Variants in MYLK observed in about 807,000 individuals in gnomAD.
MYLK encodes myosin light chain kinase, smooth muscle.
MYLK carries 106 observed loss-of-function variants against 203.4 expected under a neutral mutation model. The ratio of observed to expected loss-of-function variants is 0.52; its 90% CI spans 0.45 to 0.61. The LOEUF is 0.61. Ranked by LOEUF, MYLK falls within the 20% of genes least tolerant of loss-of-function variation. The pLI is 0.00. For missense variants in MYLK, 2,072 were observed against 2,442.3 expected (o/e 0.85, Z 3.20); for synonymous variants, 867 against 959.5 (o/e 0.90, Z 1.78).
At chr3:123,840,967 A>G (rs967327748) in intron 2 of MYLK, among the ~76,000 whole-genome samples, 8 of 152,154 alleles carry the variant, frequency 5.3e-5, no homozygotes, top group African/African-American at 1.7e-4. Context: ...GACAGGTCTC[A>G]GGTAATGTTA....
chr3:123,628,190 C>T (rs1576356521), intron 30 of MYLK, among the ~76,000 whole-genome samples: 1 of 152,262 alleles, frequency 6.6e-6, no homozygotes, highest in South Asian at 2.1e-4. Context: ...AGAATGTGGC[C>T]TCTGGGGGAG....
At chr3:123,701,137 C>T in intron 17 of MYLK, 132 bp from the exon 18 acceptor site, 3 of 1,277,926 alleles carry the variant, frequency 2.3e-6, no homozygotes, top group Non-Finnish European at 3.3e-6. Context: ...GGAGGCCGGC[C>T]AGGCTGTGTT....
intron 20 of MYLK, among the ~76,000 whole-genome samples, chr3:123,670,034 C>CAAAAAAAAAAAAAAAAAA (rs57445681): frequency 2.7e-5 from 1 of 37,064 alleles, no homozygotes; most frequent in Non-Finnish European, 6.1e-5. Context: ...GACTCCATCT[C>CAAAAAAAAAAAAAAAAAA]AAAAAAAAAA....
chr3:123,737,226 A>G, intron 8 of MYLK, 152 bp downstream of exon 8: 1 of 861,536 alleles, frequency 1.2e-6, no homozygotes, highest in Non-Finnish European at 1.8e-6. Context: ...CTGAAGAGAA[A>G]AAAAAAAAAA....
intron 3 of MYLK, among the ~76,000 whole-genome samples, chr3:123,802,379 T>C (rs1238642779): frequency 6.6e-6 from 1 of 152,200 alleles, no homozygotes; most frequent in Non-Finnish European, 1.5e-5. Context: ...TCCCTCCCCA[T>C]GGCTTCCTGG....
chr3:123,860,366 C>T (rs1350745800), intron 2 of MYLK, among the ~76,000 whole-genome samples: 2 of 152,190 alleles, frequency 1.3e-5, no homozygotes, highest in African/African-American at 4.8e-5. Context: ...TTGATCAGGG[C>T]ACTGCTGTGT....
At chr3:123,667,969 TTGGATGGATGAA>T (rs2059795345) in intron 20 of MYLK, among the ~76,000 whole-genome samples, 1 of 152,170 alleles carries the variant, frequency 6.6e-6, no homozygotes, top group African/African-American at 2.4e-5. Flanking sequence ...TTAAAGTTTG[TTGGATGGATGAA>T]TGGATGAATG....
intron 32 of MYLK, among the ~76,000 whole-genome samples, chr3:123,619,680 G>A (rs1003160522): frequency 6.6e-6 from 1 of 152,172 alleles, no homozygotes; most frequent in Non-Finnish European, 1.5e-5. Context: ...TAGTCTCCAG[G>A]AGGAGACCTG....
chr3:123,670,566 G>A (rs2059882600), intron 20 of MYLK, among the ~76,000 whole-genome samples: 1 of 152,016 alleles, frequency 6.6e-6, no homozygotes, highest in Non-Finnish European at 1.5e-5. Context: ...ACTAACCTGG[G>A]CAACACGGCA....
At position 123,734,219 on chromosome 3, in the gene MYLK, T is replaced by C. The variant is rs2108794032; in HGVS notation, c.777A>G (p.Ser259=). 1 of 1,378,626 alleles carries C rather than the reference T, an allele frequency of 7.3e-7. No homozygotes were observed. 85.4% of individuals were successfully genotyped at this position (1,378,626 alleles called of 1,614,324 possible). ...SIQGLDSANR[S]FVRETKATNS... ...TGGTGGCTTTTGTTTCTCTCACAAA[T>C]GACCTGTGTGGTGGTGAGGGTGGGG... is the stretch of plus-strand genomic sequence containing the variant. Residue 259 remains serine, a synonymous_variant, in exon 10 of 34, where the codon TCA becomes TCG. Transcript: ENST00000360304.
At chr3:123,782,641 A>G (rs1430466764) in intron 4 of MYLK, among the ~76,000 whole-genome samples, 1 of 152,128 alleles carries the variant, frequency 6.6e-6, no homozygotes, top group Non-Finnish European at 1.5e-5. Flanking sequence ...AGTTAAGAGG[A>G]AGAAAACCCC....
rs141241528 is a variant in MYLK at position 123,712,389 on chromosome 3, C to T, written c.1805-2496G>A. Among the ~76,000 whole-genome samples the T allele has an allele frequency of 3.5e-4, 54 of 152,314 alleles. 1 individual carries two copies. The East Asian group carries it at 7.7e-3, about 22-fold the overall frequency. ...TGTTCCTGCCTCTCTGCAATCTCAG[C>T]GAGTCCCCAGCCTTACAGAGCTTCA... On this transcript the variant is annotated intron_variant, in intron 13 of 33. Coordinates refer to ENST00000360304, the MANE Select transcript of MYLK (RefSeq NM_053025.4).
intron 11 of MYLK, among the ~76,000 whole-genome samples, chr3:123,727,221 C>T (rs147713546): frequency 9.7e-4 from 148 of 152,248 alleles, no homozygotes; most frequent in Middle Eastern, 3.4e-3. Context: ...GGGAGGGCAG[C>T]GACAAGACAG....
At chr3:123,665,569 T>A (rs914140433) in intron 22 of MYLK, among the ~76,000 whole-genome samples, 2 of 152,188 alleles carry the variant, frequency 1.3e-5, no homozygotes, top group African/African-American at 4.8e-5. Context: ...TGCCAACCCA[T>A]CATTCCAGGG....
At chr3:123,690,788 T>A (rs1403558251) in intron 19 of MYLK, among the ~76,000 whole-genome samples, 8 of 152,156 alleles carry the variant, frequency 5.3e-5, no homozygotes, top group Non-Finnish European at 1.0e-4. Flanking sequence ...CTATCACTTT[T>A]CTAGCTCTTC....
At chr3:123,671,537 A>G (rs2059912668) in intron 20 of MYLK, among the ~76,000 whole-genome samples, 1 of 152,130 alleles carries the variant, frequency 6.6e-6, no homozygotes, top group Non-Finnish European at 1.5e-5. Flanking sequence ...CCCAGCATGG[A>G]GTGAGAGACG....
chr3:123,681,267 G>C (rs2060254319), intron 20 of MYLK: 1 of 152,212 alleles, frequency 6.6e-6, no homozygotes. Context: ...GATCCAAAAA[G>C]AGGGAGGTAG....
intron 33 of MYLK, among the ~76,000 whole-genome samples, chr3:123,614,641 T>A (rs962626186): frequency 1.3e-5 from 2 of 152,206 alleles, no homozygotes; most frequent in African/African-American, 4.8e-5. Flanking sequence ...TTTTTTATTT[T>A]TTTAAAGTGA....
chr3:123,846,975 T>C (rs1177625766), intron 2 of MYLK, among the ~76,000 whole-genome samples: 1 of 152,130 alleles, frequency 6.6e-6, no homozygotes, highest in East Asian at 1.9e-4. Flanking sequence ...TTTATGGAAC[T>C]TGGAATTCTT....
Sources: gnomAD v4.1 joint callset for allele counts (sites outside exome capture counted in the v4.1 genomes callset) on GRCh38, gnomAD v4.1.1 for gene constraint, MANE v1.5 for transcripts, NCBI Gene and HGNC (gene_info 2026-07-23, HGNC 2026-07-21) for gene names.